DLGAP2: variants seen among roughly 807,000 people sequenced by gnomAD.
DLGAP2 encodes DLG associated protein 2, also known as disks large-associated protein 2.
A neutral mutation model predicts 100.3 loss-of-function variants in DLGAP2; 26 were observed. The ratio of observed to expected loss-of-function variants is 0.26; its 90% CI spans 0.19 to 0.36. The LOEUF is 0.36. Among genes scored for constraint, DLGAP2 ranks in the 10% least tolerant of loss-of-function variants. DLGAP2 has a pLI of 1.00. For missense variants in DLGAP2, 1,858 were observed against 1,453.2 expected (o/e 1.28, Z -4.53); for synonymous variants, 886 against 630.1 (o/e 1.41, Z -6.08).
intron 6 of DLGAP2, among the ~76,000 whole-genome samples, chr8:1,570,018 A>G (rs1217747974): frequency 6.6e-6 from 1 of 152,180 alleles, no homozygotes; most frequent in Non-Finnish European, 1.5e-5. Flanking sequence ...AAGGAAGAAA[A>G]CGGCCAGGAC....
chr8:1,099,812 T>A (rs1474547960), intron 2 of DLGAP2, among the ~76,000 whole-genome samples: 1 of 152,210 alleles, frequency 6.6e-6, no homozygotes, highest in Admixed American at 6.5e-5. Flanking sequence ...CTGAAGATAA[T>A]TCACTTAAAT....
chr8:1,300,555 C>T (rs375009210), intron 3 of DLGAP2: 1 of 152,320 alleles, frequency 6.6e-6, no homozygotes, highest in Admixed American at 6.5e-5. Flanking sequence ...GAAGCACACC[C>T]TGTCGTGTGT....
chr8:886,791 C>T lies in DLGAP2; in HGVS notation c.19-21121C>T, dbSNP rs116470293. On this transcript the variant is annotated intron_variant, in intron 1 of 14. Coordinates refer to ENST00000637795, the MANE Select transcript of DLGAP2 (RefSeq NM_001346810.2). ...CTGAGGAGTGTTTTACTTCCAATTA[C>T]GTGGCTGATTTCATAATAGTTGCCA... Among the ~76,000 whole-genome samples the T allele has an allele frequency of 3.0e-3, 454 of 152,224 alleles. 2 individuals carry two copies. The highest frequency in any genetic ancestry group is 1.0e-2 in the African/African-American group (415 of 41,556).
At chr8:780,117 C>T (rs1821646060) in intron 1 of DLGAP2, among the ~76,000 whole-genome samples, 1 of 152,134 alleles carries the variant, frequency 6.6e-6, no homozygotes, top group Non-Finnish European at 1.5e-5. Context: ...ACTTTGTACC[C>T]TTTGACCTAC....
At chr8:1,388,473 G>A (rs1449876502) in intron 3 of DLGAP2, among the ~76,000 whole-genome samples, 1 of 61,480 alleles carries the variant, frequency 1.6e-5, no homozygotes, top group African/African-American at 7.7e-5. Context: ...ATGAGGAAGC[G>A]CTGGTTCAAG....
At chr8:1,296,033 G>A (rs1585231866) in intron 3 of DLGAP2, 1 of 152,228 alleles carries the variant, frequency 6.6e-6, no homozygotes, top group African/African-American at 2.4e-5. Flanking sequence ...CCCCGGAAGT[G>A]TGTCTGCCAA....
At chr8:1,094,404 C>T (rs1005830790) in intron 2 of DLGAP2, among the ~76,000 whole-genome samples, 2 of 152,168 alleles carry the variant, frequency 1.3e-5, no homozygotes, top group Non-Finnish European at 2.9e-5. Context: ...CCAGTATTTA[C>T]GGTAAAACTG....
chr8:1,317,582 G>A (rs867057152), intron 3 of DLGAP2, among the ~76,000 whole-genome samples: 2 of 110,986 alleles, frequency 1.8e-5, no homozygotes, highest in Admixed American at 1.8e-4. Context: ...ACTCGGCAGC[G>A]TTTAAAAATA....
intron 3 of DLGAP2, among the ~76,000 whole-genome samples, chr8:1,271,300 C>T (rs1028992300): frequency 1.3e-5 from 2 of 152,146 alleles, no homozygotes; most frequent in South Asian, 4.1e-4. Context: ...CATCTGGACT[C>T]CTCAGCCGGG....
chr8:986,183 T>C (rs543547496), intron 2 of DLGAP2, among the ~76,000 whole-genome samples: 6 of 152,138 alleles, frequency 3.9e-5, no homozygotes, highest in Non-Finnish European at 8.8e-5. Context: ...GGAAGAGGCT[T>C]CCGGAAGCTC....
chr8:1,181,843 C>T (rs986850515), intron 2 of DLGAP2, among the ~76,000 whole-genome samples: 2 of 152,194 alleles, frequency 1.3e-5, no homozygotes, highest in Non-Finnish European at 2.9e-5. Flanking sequence ...GTACCACCTT[C>T]CTCCCTGCAC....
chr8:1,595,122 C>A (rs1284782041), intron 6 of DLGAP2, among the ~76,000 whole-genome samples: 1 of 151,984 alleles, frequency 6.6e-6, no homozygotes, highest in African/African-American at 2.4e-5. Context: ...CCCACTGCAG[C>A]CTCAACCTCC....
At position 1,703,201 on chromosome 8, in the gene DLGAP2, C is replaced by G. The variant is rs1424540916; in HGVS notation, c.*1795C>G. On this transcript the variant is annotated 3_prime_UTR_variant, in exon 15 of 15. Coordinates refer to ENST00000637795, the MANE Select transcript of DLGAP2 (RefSeq NM_001346810.2). The stretch of plus-strand genomic sequence containing the variant: ...AAGAATTCCCTGTAAAAACAAAACC[C>G]TGTAAATTGAGCCTCATGTCTGGTA... 6.6e-6 allele frequency: 1 copy of G among 152,452 alleles called. No individual in the cohort carries two copies. Among genetic ancestry groups the G allele is most frequent in the Non-Finnish European group, 1.5e-5 (1 of 68,034 alleles). The allele number at this position is 152,452 out of a possible 1,614,324, so 9.4% of individuals were successfully genotyped here.
chr8:1,252,797 C>T (rs1006364882), intron 2 of DLGAP2, among the ~76,000 whole-genome samples: 1 of 152,242 alleles, frequency 6.6e-6, no homozygotes, highest in African/African-American at 2.4e-5. Flanking sequence ...TGGCTGCTGA[C>T]ATGGAGCCTT....
chr8:802,197 C>T (rs1268366619), intron 1 of DLGAP2, among the ~76,000 whole-genome samples: 1 of 150,412 alleles, frequency 6.6e-6, no homozygotes, highest in Non-Finnish European at 1.5e-5. Flanking sequence ...GAATGGTCTG[C>T]ACTCCTCCTG....
At chr8:1,343,071 GAC>G in intron 3 of DLGAP2, among the ~76,000 whole-genome samples, 1 of 152,268 alleles carries the variant, frequency 6.6e-6, no homozygotes, top group East Asian at 1.9e-4. Context: ...ACAAACCGGA[GAC>G]ACAAACACTG....
At chr8:745,647 T>A (rs559450193) in intron 1 of DLGAP2, among the ~76,000 whole-genome samples, 1 of 152,350 alleles carries the variant, frequency 6.6e-6, no homozygotes, top group South Asian at 2.1e-4. Flanking sequence ...TTCCCTCCAG[T>A]TTTGTTTCAT....
intron 2 of DLGAP2, among the ~76,000 whole-genome samples, chr8:1,175,431 T>G (rs774441435): frequency 2.6e-5 from 4 of 152,200 alleles, no homozygotes; most frequent in African/African-American, 7.2e-5. Flanking sequence ...AAAATAGCCT[T>G]CATTTATAAA....
intron 1 of DLGAP2, among the ~76,000 whole-genome samples, chr8:812,441 T>C (rs939613190): frequency 6.6e-6 from 1 of 152,168 alleles, no homozygotes; most frequent in African/African-American, 2.4e-5. Context: ...ACTCTCAGCA[T>C]TGACTCAGGA....
Sources: allele counts gnomAD v4.1 joint callset (sites outside exome capture counted in the v4.1 genomes callset), GRCh38; gene constraint gnomAD v4.1.1; transcripts MANE v1.5; gene names NCBI Gene and HGNC (gene_info 2026-07-23, HGNC 2026-07-21).